EXD1: variants seen among roughly 807,000 people sequenced by gnomAD.
EXD1 encodes piRNA biogenesis protein EXD1.
A neutral mutation model predicts 49.1 loss-of-function variants in EXD1; 63 were observed. The ratio of observed to expected loss-of-function variants is 1.28; its 90% confidence interval spans 1.05 to 1.58. The LOEUF (loss-of-function observed/expected upper bound fraction) is 1.58, where lower values mean the gene tolerates loss of function less well. EXD1 is among the 40% of genes most tolerant of loss of function. The pLI is 0.00. For missense variants in EXD1, 748 were observed against 666.0 expected (o/e 1.12, Z -1.36); for synonymous variants, 234 against 239.2 (o/e 0.98, Z 0.20).
intron 3 of EXD1, among the ~76,000 whole-genome samples, chr15:41,219,304 G>T (rs1259458559): frequency 6.6e-6 from 1 of 152,110 alleles, no homozygotes; most frequent in Non-Finnish European, 1.5e-5. Context: ...ACTCTTGGTG[G>T]CAAAACTTGA....
chr15:41,202,668 A>C (rs1260682118), intron 7 of EXD1, among the ~76,000 whole-genome samples: 1 of 151,930 alleles, frequency 6.6e-6, no homozygotes, highest in Non-Finnish European at 1.5e-5. Context: ...GGTTTCACTA[A>C]GTTGCTCAGG....
Position 41,209,527 on chromosome 15 carries a change from G to A in EXD1, c.508C>T (p.Arg170Cys), listed in dbSNP as rs144824409. 30 of 1,613,972 alleles carry A rather than the reference G, an allele frequency of 1.9e-5. No individual in the cohort carries two copies. The highest frequency in any genetic ancestry group is 4.0e-5 in the African/African-American group (3 of 74,912). Residue 170 changes from arginine to cysteine, a missense_variant, in exon 7 of 12, where the codon CGC (arginine) becomes TGC (cysteine). Arg to Cys is a radical substitution (Grantham distance 180). Coordinates refer to ENST00000458580, the MANE Select transcript of EXD1 (RefSeq NM_001286441.2). ...TGCAGCCAGCACAGTTTGCCATGGC[G>A]ACATACATTCGCTCCTTCTGCTGCC... Reference protein sequence around the residue: ...SVAAEGANVCRHGKLCWLQVA... With the variant: ...SVAAEGANVCCHGKLCWLQVA...
At chr15:41,213,540 C>CA (rs147396907) in intron 6 of EXD1, among the ~76,000 whole-genome samples, 24,110 of 150,668 alleles carry the variant, frequency 0.16, 3,557 homozygotes, top group African/African-American at 0.39. Context: ...TTTTTTGAGA[C>CA]AGAGTCTCAC....
At chr15:41,189,002 T>A (rs1442939832) in intron 11 of EXD1, among the ~76,000 whole-genome samples, 3 of 151,248 alleles carry the variant, frequency 2.0e-5, no homozygotes, top group African/African-American at 7.3e-5. Flanking sequence ...TGGGGTTTCA[T>A]CATGTTGGCC....
At position 41,189,976 on chromosome 15, in the gene EXD1, C is replaced by G; in HGVS notation, c.1017G>C (p.Thr339=). Residue 339 remains threonine (T), a synonymous_variant, in exon 11 of 12, where the codon ACG becomes ACC. Coordinates refer to ENST00000458580, the MANE Select transcript of EXD1 (RefSeq NM_001286441.2). ...LTTLVDGYLN[T]YREGSADRLG... ...GCCGGTCTGCAGACCCTTCGCGATACGTGTTTAGGTAACCATCCACCAGGG... is the reference window on the plus strand; with the variant it reads ...GCCGGTCTGCAGACCCTTCGCGATAGGTGTTTAGGTAACCATCCACCAGGG... The G allele has an allele frequency of 6.2e-7, 1 of 1,614,062 alleles. No individual in the cohort carries two copies. Among genetic ancestry groups the G allele is most frequent in the Non-Finnish European group, 8.5e-7 (1 of 1,180,000 alleles).
intron 1 of EXD1, 44 bp downstream of exon 1, chr15:41,230,435 C>A (rs911863200): frequency 6.3e-7 from 1 of 1,592,996 alleles, no homozygotes. Flanking sequence ...TGCAAAATTT[C>A]TCATTTTTAA....
In EXD1 at chr15:41,216,003, A is replaced by T. The variant is rs542624294; in HGVS notation, c.389-170T>A. ...CTTCTCTTCCTTTTTTTTCCTCCTT[A>T]GCATTTGGCACTATTACAGTATATA... On this transcript the variant is annotated intron_variant, in intron 5 of 11. Transcript: ENST00000458580. 6.6e-5 allele frequency among the ~76,000 whole-genome samples: 10 copies of T among 152,040 alleles called. No individual in the cohort carries two copies. In the South Asian group the frequency reaches 2.1e-3, roughly 32 times the overall value.
At chr15:41,217,069 C>A in intron 4 of EXD1, 28 bp downstream of exon 4, 3 of 1,596,714 alleles carry the variant, frequency 1.9e-6, no homozygotes, top group Non-Finnish European at 2.6e-6. Context: ...TGGAAAATAT[C>A]ATAATTAAGA....
At chr15:41,185,694 A>AT (rs1341611589) in intron 11 of EXD1, among the ~76,000 whole-genome samples, 1 of 151,292 alleles carries the variant, frequency 6.6e-6, no homozygotes, top group Non-Finnish European at 1.5e-5. Context: ...CTAATATTTA[A>AT]TTTTTTTGTA....
At chr15:41,199,758 A>ATATGTAATATAT (rs371424289) in intron 7 of EXD1, among the ~76,000 whole-genome samples, 2 of 119,806 alleles carry the variant, frequency 1.7e-5, no homozygotes, top group African/African-American at 7.7e-5. Flanking sequence ...TATATATGAT[A>ATATGTAATATAT]CATATATGAT....
intron 2 of EXD1, among the ~76,000 whole-genome samples, chr15:41,225,388 C>T (rs1247605789): frequency 5.3e-5 from 8 of 152,028 alleles, no homozygotes; most frequent in Non-Finnish European, 8.8e-5. Context: ...ACTTTGAGAC[C>T]GGCCTGGCCA....
chr15:41,199,348 A>G (rs1234171116), intron 7 of EXD1, among the ~76,000 whole-genome samples: 4 of 151,488 alleles, frequency 2.6e-5, no homozygotes, highest in Middle Eastern at 3.4e-3. Flanking sequence ...TCAGCCTCTC[A>G]AAGTGCTGGG....
In EXD1 at chr15:41,183,933, AG is replaced by A; in HGVS notation, c.1716del (p.Ter573ArgfsTer56). On this transcript the variant is annotated frameshift_variant, in exon 12 of 12. Coordinates refer to ENST00000458580, the MANE Select transcript of EXD1 (RefSeq NM_001286441.2). LOFTEE classifies it high-confidence loss of function. ...DSWISPFLNL[P>X] ...CCTTAAGAACAAACTGCCCATCTCT[AG>A]GGCAGATTTAGAAAAGGACTTATCC... is the stretch of plus-strand genomic sequence containing the variant. The A allele has an allele frequency of 6.3e-7, 1 of 1,586,796 alleles. No individual in the cohort carries two copies. The highest frequency in any genetic ancestry group is 8.6e-7 in the Non-Finnish European group (1 of 1,166,940).
At chr15:41,189,595 G>A (rs766367249) in intron 11 of EXD1, among the ~76,000 whole-genome samples, 13 of 151,976 alleles carry the variant, frequency 8.6e-5, no homozygotes, top group South Asian at 4.2e-4. Flanking sequence ...CCCAGGAGGC[G>A]GAGTTTTCAG....
At chr15:41,219,439 A>C (rs1453958306) in intron 3 of EXD1, 1 of 161,872 alleles carries the variant, frequency 6.2e-6, no homozygotes. Flanking sequence ...ATGTAATATG[A>C]ACACTATATA....
chr15:41,185,523 G>A (rs577030012), intron 11 of EXD1, among the ~76,000 whole-genome samples: 1 of 150,770 alleles, frequency 6.6e-6, no homozygotes, highest in Admixed American at 6.6e-5. Flanking sequence ...TTTTTGTGGG[G>A]TTTTTTTTGA....
At chr15:41,223,336 C>T (rs572389247) in intron 2 of EXD1, among the ~76,000 whole-genome samples, 45 of 152,204 alleles carry the variant, frequency 3.0e-4, no homozygotes, top group Non-Finnish European at 5.7e-4. Flanking sequence ...AGGAAAATCA[C>T]TTGTGCCCAG....
intron 3 of EXD1, among the ~76,000 whole-genome samples, chr15:41,218,061 G>A (rs2047028185): frequency 6.6e-6 from 1 of 152,116 alleles, no homozygotes; most frequent in Non-Finnish European, 1.5e-5. Context: ...ACTATCCTTT[G>A]AGCTTAAAAA....
chr15:41,204,614 C>A (rs1315412374), intron 7 of EXD1, among the ~76,000 whole-genome samples: 1 of 151,970 alleles, frequency 6.6e-6, no homozygotes, highest in African/African-American at 2.4e-5. Flanking sequence ...CCCAAGTAGT[C>A]CAGCTACTTG....
Sources: gnomAD v4.1 joint callset for allele counts (sites outside exome capture counted in the v4.1 genomes callset) on GRCh38, gnomAD v4.1.1 for gene constraint, MANE v1.5 for transcripts, NCBI Gene and HGNC (gene_info 2026-07-23, HGNC 2026-07-21) for gene names.